Variants in BLTP3B observed in about 807,000 individuals in gnomAD.
BLTP3B encodes UHRF1 (ICBP90) binding protein 1-like.
the BLTP3B span, chr12:100,103,919 G>A: frequency 6.2e-7 from 1 of 1,601,280 alleles, no homozygotes; most frequent in Non-Finnish European, 8.5e-7. Context: ...TCACCAAACA[G>A]ATGGGATGTG....
chr12:100,123,440 G>A, the BLTP3B span, among the ~76,000 whole-genome samples: 8 of 152,058 alleles, frequency 5.3e-5, no homozygotes, highest in Non-Finnish European at 8.8e-5. Context: ...TTCTGTGACC[G>A]TGTGCGTGGA....
the BLTP3B span, among the ~76,000 whole-genome samples, chr12:100,094,854 T>TCAAAAAATA: frequency 1.3e-5 from 2 of 152,096 alleles, no homozygotes; most frequent in Admixed American, 1.3e-4. Flanking sequence ...GGAGACTGTT[T>TCAAAAAATA]CAAAAAATAA....
At chr12:100,059,903 T>C in the BLTP3B span, 1 of 1,612,648 alleles carries the variant, frequency 6.2e-7, no homozygotes, top group South Asian at 1.1e-5. Flanking sequence ...GATTTTGAAT[T>C]GTCATTCAAC....
the BLTP3B span, among the ~76,000 whole-genome samples, chr12:100,140,749 T>TA: frequency 1.6e-5 from 2 of 125,670 alleles, no homozygotes; most frequent in Non-Finnish European, 3.3e-5. Flanking sequence ...TATATATATA[T>TA]ATATAAAATA....
the BLTP3B span, among the ~76,000 whole-genome samples, chr12:100,057,350 G>A: frequency 6.6e-6 from 1 of 151,444 alleles, no homozygotes; most frequent in African/African-American, 2.4e-5. Context: ...CTTTTTGGGG[G>A]GCTATAATGA....
the BLTP3B span, among the ~76,000 whole-genome samples, chr12:100,105,600 C>G: frequency 1.8e-4 from 28 of 152,086 alleles, no homozygotes; most frequent in African/African-American, 6.7e-4. Flanking sequence ...GGAAGAAAAC[C>G]TAGGAAAAAC....
the BLTP3B span, among the ~76,000 whole-genome samples, chr12:100,073,245 T>C: frequency 8.5e-4 from 130 of 152,222 alleles, no homozygotes; most frequent in Non-Finnish European, 1.6e-3. Context: ...GTAACAGAGC[T>C]ATATACAGTT....
chr12:100,068,997 G>A, the BLTP3B span, among the ~76,000 whole-genome samples: 2 of 152,172 alleles, frequency 1.3e-5, no homozygotes, highest in Admixed American at 1.3e-4. Flanking sequence ...CAGCACTTTA[G>A]GAGGCTGACG....
At chr12:100,054,783 C>T in the BLTP3B span, among the ~76,000 whole-genome samples, 3 of 152,194 alleles carry the variant, frequency 2.0e-5, no homozygotes, top group South Asian at 2.1e-4. Context: ...AATAGCTTAA[C>T]GGCTTGTTAA....
the BLTP3B span, among the ~76,000 whole-genome samples, chr12:100,101,798 G>A: frequency 1.3e-5 from 2 of 152,042 alleles, no homozygotes; most frequent in African/African-American, 4.8e-5. Context: ...GTAATTTAAG[G>A]CATCAACTTA....
the BLTP3B span, among the ~76,000 whole-genome samples, chr12:100,140,481 G>A: frequency 2.0e-5 from 3 of 151,392 alleles, no homozygotes; most frequent in Non-Finnish European, 4.4e-5. Flanking sequence ...CAAGGCAGGC[G>A]GATCACCTGA....
chr12:100,094,519 T>C, the BLTP3B span, among the ~76,000 whole-genome samples: 1 of 152,142 alleles, frequency 6.6e-6, no homozygotes, highest in South Asian at 2.1e-4. Flanking sequence ...CCCTGCACCT[T>C]AGGAAATAGT....
chr12:100,115,568 C>T, the BLTP3B span, among the ~76,000 whole-genome samples: 10 of 152,114 alleles, frequency 6.6e-5, no homozygotes, highest in African/African-American at 2.2e-4. Flanking sequence ...TCAGGAGTTT[C>T]AGGCAAGCCT....
chr12:100,076,222 A>T, the BLTP3B span, among the ~76,000 whole-genome samples: 419 of 152,046 alleles, frequency 2.8e-3, 4 homozygotes, highest in African/African-American at 9.5e-3. Flanking sequence ...CACAAAGTTC[A>T]ACCAATAAAG....
chr12:100,039,690 C>T, the BLTP3B span: 48 of 1,613,968 alleles, frequency 3.0e-5, 3 homozygotes, highest in South Asian at 5.2e-4. Context: ...TTGCGTGACA[C>T]TGCGTTGTTT....
At chr12:100,088,836 A>C in the BLTP3B span, 3 of 1,197,652 alleles carry the variant, frequency 2.5e-6, no homozygotes, top group Non-Finnish European at 3.4e-6. Flanking sequence ...CATCCTACAC[A>C]ACAGATTTAA....
At chr12:100,074,844 C>G in the BLTP3B span, among the ~76,000 whole-genome samples, 1 of 152,040 alleles carries the variant, frequency 6.6e-6, no homozygotes, top group African/African-American at 2.4e-5. Context: ...AGACATAGAT[C>G]AATGGAACAG....
the BLTP3B span, among the ~76,000 whole-genome samples, chr12:100,136,203 T>A: frequency 1.5e-5 from 2 of 135,820 alleles, no homozygotes; most frequent in Non-Finnish European, 3.0e-5. Flanking sequence ...ATAGCGAGAC[T>A]CTGTCTCAAA....
chr12:100,073,626 C>T, the BLTP3B span, among the ~76,000 whole-genome samples: 1 of 151,808 alleles, frequency 6.6e-6, no homozygotes, highest in African/African-American at 2.4e-5. Flanking sequence ...TACCTTACCA[C>T]AATAAAAAAT....
Sources: gnomAD v4.1 joint callset for allele counts (sites outside exome capture counted in the v4.1 genomes callset) on GRCh38, gnomAD v4.1.1 for gene constraint, MANE v1.5 for transcripts, NCBI Gene and HGNC (gene_info 2026-07-23, HGNC 2026-07-21) for gene names.